The following PEMT variants were observed in gnomAD, a reference collection of about 807,000 sequenced individuals.
PEMT encodes phospholipid methyltransferase.
Under a neutral mutation model 27.4 loss-of-function variants are expected in PEMT, and 23 were observed. That is an observed-to-expected ratio of 0.84 (90% CI 0.60 to 1.19). PEMT has a LOEUF of 1.19. PEMT is among the 50% of genes most tolerant of loss of function. The probability of loss-of-function intolerance (pLI) is 0.00; values close to 1 mark genes in which losing one functional copy is unlikely to be tolerated. For synonymous variants in PEMT, 137 were observed against 139.1 expected, an observed-to-expected ratio of 0.98 and a Z score of 0.11; for missense variants, 307 against 310.1, an observed-to-expected ratio of 0.99 and a Z score of 0.07.
At chr17:17,531,219 C>T (rs1282522327) in intron 2 of PEMT, among the ~76,000 whole-genome samples, 1 of 152,108 alleles carries the variant, frequency 6.6e-6, no homozygotes, top group East Asian at 1.9e-4. Context: ...AGACTGAAAG[C>T]TATGAAAGAC....
chr17:17,573,204 G>T (rs567676491), intron 2 of PEMT, among the ~76,000 whole-genome samples: 6 of 150,868 alleles, frequency 4.0e-5, no homozygotes, highest in Middle Eastern at 3.4e-3. Flanking sequence ...GAAAAAAAAG[G>T]CCTGGCGCGG....
At chr17:17,550,814 T>C (rs1909608992) in intron 2 of PEMT, among the ~76,000 whole-genome samples, 1 of 152,164 alleles carries the variant, frequency 6.6e-6, no homozygotes, top group African/African-American at 2.4e-5. Context: ...GTTCACTGAA[T>C]GTGCACATCT....
chr17:17,507,310 C>T (rs2142497928), intron 5 of PEMT: 1 of 852,534 alleles, frequency 1.2e-6, no homozygotes, highest in East Asian at 2.6e-5. Flanking sequence ...GGGGCTGTGC[C>T]CTCCTTGGCT....
At chr17:17,553,579 C>G (rs534282969) in intron 2 of PEMT, among the ~76,000 whole-genome samples, 2 of 152,326 alleles carry the variant, frequency 1.3e-5, no homozygotes, top group East Asian at 3.9e-4. Flanking sequence ...CCCACAGTGG[C>G]TCACAAGCCC....
At chr17:17,556,855 G>A (rs1198085753) in intron 2 of PEMT, among the ~76,000 whole-genome samples, 2 of 152,174 alleles carry the variant, frequency 1.3e-5, no homozygotes, top group African/African-American at 4.8e-5. Context: ...AATCAAATGC[G>A]TCTGCAGATG....
At position 17,518,180 on chromosome 17, in the gene PEMT, C is replaced by A. The variant is rs1000062010; in HGVS notation, c.320+4100G>T. ...ACTGGTGAACGACACCAGGAGCTCG[C>A]TGATGCCCTAACAAGCTCGGCTGTC... On this transcript the variant is annotated intron_variant, in intron 3 of 6. Transcript: ENST00000255389. The A allele has an allele frequency of 7.1e-6, 7 of 984,740 alleles. No homozygotes were observed. In the African/African-American group the frequency reaches 1.0e-4, roughly 15 times the overall value. The allele number at this position is 984,740 out of a possible 1,614,324, so 61.0% of individuals were successfully genotyped here.
intron 2 of PEMT, among the ~76,000 whole-genome samples, chr17:17,547,173 C>T (rs1481364102): frequency 6.6e-6 from 1 of 152,292 alleles, no homozygotes; most frequent in Admixed American, 6.5e-5. Context: ...TGCTATTTCT[C>T]ACCTGCTGAG....
intron 2 of PEMT, among the ~76,000 whole-genome samples, chr17:17,568,575 C>T (rs1910984580): frequency 6.6e-6 from 1 of 152,154 alleles, no homozygotes; most frequent in South Asian, 2.1e-4. Context: ...AACCGATGCC[C>T]AGGAAGGGGA....
intron 2 of PEMT, among the ~76,000 whole-genome samples, chr17:17,528,172 G>A (rs555834114): frequency 1.3e-5 from 2 of 152,336 alleles, no homozygotes; most frequent in East Asian, 1.9e-4. Context: ...GCACAGAGGG[G>A]CTCATGAGCT....
chr17:17,544,251 G>C (rs1909089703), intron 2 of PEMT, among the ~76,000 whole-genome samples: 1 of 152,000 alleles, frequency 6.6e-6, no homozygotes, highest in African/African-American at 2.4e-5. Flanking sequence ...CAGCTGGGAA[G>C]CAGGAAGCCC....
In PEMT at chr17:17,538,294, G is replaced by A. The variant is rs555494350; in HGVS notation, c.205-15899C>T. 2.0e-5 allele frequency among the ~76,000 whole-genome samples: 3 copies of A among 152,358 alleles called. No homozygotes were observed. The South Asian group carries it at 6.2e-4, about 32-fold the overall frequency. On this transcript the variant is annotated intron_variant, in intron 2 of 6. Coordinates refer to ENST00000255389, the MANE Select transcript of PEMT (RefSeq NM_148172.3). ...AAGAGAGCCTCAGGCCAGGACAGAGGCAGTATTGTGCCATTGCTGTCACAG... is the reference window on the plus strand; with the variant it reads ...AAGAGAGCCTCAGGCCAGGACAGAGACAGTATTGTGCCATTGCTGTCACAG...
At chr17:17,510,527 G>T (rs867823456) in intron 4 of PEMT, among the ~76,000 whole-genome samples, 1 of 152,214 alleles carries the variant, frequency 6.6e-6, no homozygotes, top group African/African-American at 2.4e-5. Context: ...ACGGGGCAGG[G>T]CCCAGGACCA....
chr17:17,551,536 G>C (rs928838386), intron 2 of PEMT, among the ~76,000 whole-genome samples: 2 of 152,132 alleles, frequency 1.3e-5, no homozygotes, highest in Admixed American at 1.3e-4. Flanking sequence ...GGGAGTGGTC[G>C]GGCCTGTCTG....
chr17:17,591,045 C>T (rs1306361736), intron 1 of PEMT, among the ~76,000 whole-genome samples: 2 of 152,312 alleles, frequency 1.3e-5, no homozygotes, highest in African/African-American at 2.4e-5. Context: ...AGCTGGCCTC[C>T]TGACCCTGGG....
At chr17:17,569,165 C>T (rs1911025939) in intron 2 of PEMT, among the ~76,000 whole-genome samples, 1 of 152,220 alleles carries the variant, frequency 6.6e-6, no homozygotes, top group African/African-American at 2.4e-5. Context: ...GACAGGTCAG[C>T]GTCCTGATAC....
intron 3 of PEMT, among the ~76,000 whole-genome samples, chr17:17,520,883 C>T (rs551268744): frequency 6.6e-6 from 1 of 152,394 alleles, no homozygotes; most frequent in East Asian, 1.9e-4. Flanking sequence ...TGGCCAAGGC[C>T]ATGACAATGA....
intron 2 of PEMT, among the ~76,000 whole-genome samples, chr17:17,531,042 CAAAA>C (rs753558318): frequency 1.5e-5 from 1 of 66,914 alleles, no homozygotes. Flanking sequence ...GACTCCGTCT[CAAAA>C]AAAAAAAAAA....
At chr17:17,587,538 C>T (rs1912380330) in intron 1 of PEMT, among the ~76,000 whole-genome samples, 1 of 152,030 alleles carries the variant, frequency 6.6e-6, no homozygotes, top group African/African-American at 2.4e-5. Flanking sequence ...AAGAGGGAGG[C>T]AATACTTCCC....
chr17:17,538,581 A>G (rs1908655077), intron 2 of PEMT, among the ~76,000 whole-genome samples: 1 of 152,150 alleles, frequency 6.6e-6, no homozygotes, highest in African/African-American at 2.4e-5. Context: ...AAATTAATAA[A>G]TACATTAAAG....
Sources: gnomAD v4.1 joint callset for allele counts (sites outside exome capture counted in the v4.1 genomes callset) on GRCh38, gnomAD v4.1.1 for gene constraint, MANE v1.5 for transcripts, NCBI Gene and HGNC (gene_info 2026-07-23, HGNC 2026-07-21) for gene names.